The following SYPL1 variants were observed in gnomAD, a reference collection of about 807,000 sequenced individuals.
SYPL1 encodes the protein synaptophysin-like protein 1.
A neutral mutation model predicts 23.7 loss-of-function variants in SYPL1; 6 were observed. The ratio of observed to expected loss-of-function variants is 0.25; its 90% confidence interval spans 0.14 to 0.50. The LOEUF is 0.50. SYPL1 is among the 20% of genes least tolerant of loss of function. The pLI is 0.98. For missense variants in SYPL1, 253 were observed against 288.9 expected (o/e 0.88, Z 0.90); for synonymous variants, 102 against 104.5 (o/e 0.98, Z 0.15).
At position 106,100,307 on chromosome 7, in the gene SYPL1, C is replaced by G. The variant is rs1187543849; in HGVS notation, c.70-1025G>C. 6.6e-6 allele frequency among the ~76,000 whole-genome samples: 1 copy of G among 152,156 alleles called. No individual in the cohort carries two copies. Among genetic ancestry groups the G allele is most frequent in the African/African-American group, 2.4e-5 (1 of 41,418 alleles). On this transcript the variant is annotated intron_variant, in intron 1 of 4. Transcript: ENST00000455385. This position sits in a 1 kb window ranked among gnomAD's most constrained non-coding sequence, Gnocchi z 5.1. ...AGCAACCTAAATGTTGACAGGGAAT[C>G]AAACTATAATTCATCCATTCATTCA...
chr7:106,097,974 T>G lies in SYPL1; in HGVS notation c.195-77A>C, dbSNP rs982539801. 13 of 1,187,412 alleles carry G rather than the reference T, an allele frequency of 1.1e-5. No individual in the cohort carries two copies. The African/African-American group carries it at 2.0e-4, about 18-fold the overall frequency. The allele number at this position is 1,187,412 out of a possible 1,614,324, so 73.6% of individuals were successfully genotyped here. A position where few individuals can be genotyped will look rare whatever the true frequency, so the allele number is the denominator to read the frequency against. On this transcript the variant is annotated intron_variant, in intron 2 of 4. Coordinates refer to ENST00000455385, the MANE Select transcript of SYPL1 (RefSeq NM_182715.4). The surrounding 1 kb of genome is among the most constrained non-coding windows in gnomAD (Gnocchi z 4.6). The stretch of plus-strand genomic sequence containing the variant: ...ATTTAAGCAAAACAATGAGTGACAC[T>G]TCAAAAAATACTCCCCAAATATATT...
Position 106,104,463 on chromosome 7 carries a change from G to A in SYPL1, c.70-5181C>T, listed in dbSNP as rs1290871373. 6.6e-6 allele frequency among the ~76,000 whole-genome samples: 1 copy of A among 152,194 alleles called. No homozygotes were observed. The highest frequency in any genetic ancestry group is 1.5e-5 in the Non-Finnish European group (1 of 68,032). ...CAAATAAATGGCATACTGCACTACA[G>A]CTTGTTGCTTTCAAGACTATCACTT... is the stretch of plus-strand genomic sequence containing the variant. On this transcript the variant is annotated intron_variant, in intron 1 of 4. Transcript: ENST00000455385. The surrounding 1 kb of genome is among the most constrained non-coding windows in gnomAD (Gnocchi z 4.1).
At position 106,091,965 on chromosome 7, in the gene SYPL1, A is replaced by C. The variant is rs1386323801; in HGVS notation, c.592-26T>G. ...CTATGAAAGAGAAAAAGAAATATGA[A>C]AATCAAATACCTACTTATAAAAATT... On this transcript the variant is annotated intron_variant, in intron 4 of 4. Transcript: ENST00000455385. This position sits in a 1 kb window ranked among gnomAD's most constrained non-coding sequence, Gnocchi z 5.0. 1 of 1,582,010 alleles carries C rather than the reference A, an allele frequency of 6.3e-7. No individual in the cohort carries two copies. The highest frequency in any genetic ancestry group is 8.6e-7 in the Non-Finnish European group (1 of 1,168,936).
chr7:106,093,003 T>C lies in SYPL1; in HGVS notation c.537A>G (p.Ala179=). 6.2e-7 allele frequency: 1 copy of C among 1,613,842 alleles called. No homozygotes were observed. Among genetic ancestry groups the C allele is most frequent in the Non-Finnish European group, 8.5e-7 (1 of 1,179,860 alleles). The change falls in exon 4 of 5, where the codon GCA becomes GCG. Residue 179 remains alanine, a synonymous_variant. Transcript: ENST00000455385. ...TCACAGAGCCAAAGTAACACAGTAC[T>C]GCTTTCTTCTTACAAGGCGGAAGTT... ...IDELPPCKKK[A]VLCYFGSVTS...
At position 106,107,922 on chromosome 7, in the gene SYPL1, C is replaced by T. The variant is rs1051792816; in HGVS notation, c.69+4218G>A. On this transcript the variant is annotated intron_variant, in intron 1 of 4. Coordinates refer to ENST00000455385, the MANE Select transcript of SYPL1 (RefSeq NM_182715.4). ...TTAAAAATCATTTATCAGCCAGGCG[C>T]GGTGGCTCATGCCTATAATCCCAGC... Among the ~76,000 whole-genome samples, 14 of 152,120 alleles carry T rather than the reference C, an allele frequency of 9.2e-5. No individual in the cohort carries two copies. The South Asian group carries it at 1.9e-3, about 20-fold the overall frequency.
intron 1 of SYPL1, among the ~76,000 whole-genome samples, chr7:106,110,768 CA>C (rs3842158): frequency 0.37 from 56,336 of 151,988 alleles, 11,664 homozygotes; most frequent in East Asian, 0.51. Flanking sequence ...AAAAACTTGA[CA>C]AAAAATATAA....
intron 1 of SYPL1, among the ~76,000 whole-genome samples, chr7:106,103,549 C>T (rs1263932644): frequency 6.6e-6 from 1 of 152,146 alleles, no homozygotes; most frequent in Non-Finnish European, 1.5e-5. Flanking sequence ...TGTCACTAAT[C>T]TAAATTGATA....
At chr7:106,093,269 T>C in intron 3 of SYPL1, 132 bp from the exon 4 acceptor site, 4 of 836,878 alleles carry the variant, frequency 4.8e-6, no homozygotes, top group Non-Finnish European at 7.0e-6. Flanking sequence ...TATACTTTAT[T>C]AAAAAAGTCA....
In SYPL1 at chr7:106,095,654, T is replaced by C. The variant is rs1197363271; in HGVS notation, c.402+2036A>G. 6.6e-6 allele frequency among the ~76,000 whole-genome samples: 1 copy of C among 152,152 alleles called. No individual in the cohort carries two copies. The highest frequency in any genetic ancestry group is 2.4e-5 in the African/African-American group (1 of 41,442). On this transcript the variant is annotated intron_variant, in intron 3 of 4. Transcript: ENST00000455385. This position sits in a 1 kb window ranked among gnomAD's most constrained non-coding sequence, Gnocchi z 4.3. ...GGCATGACCCACTGCACCCAGTCTCTCAAAGAAAATCTTTTAATATTTTTA... is the reference window on the plus strand; with the variant it reads ...GGCATGACCCACTGCACCCAGTCTCCCAAAGAAAATCTTTTAATATTTTTA...
At position 106,109,918 on chromosome 7, in the gene SYPL1, T is replaced by C. The variant is rs1790059865; in HGVS notation, c.69+2222A>G. Among the ~76,000 whole-genome samples the C allele has an allele frequency of 6.6e-6, 1 of 152,218 alleles. No individual in the cohort carries two copies. On this transcript the variant is annotated intron_variant, in intron 1 of 4. Transcript: ENST00000455385. This position sits in a 1 kb window ranked among gnomAD's most constrained non-coding sequence, Gnocchi z 4.3. ...ATTCATCCTTTTAGAAATTTTCATT[T>C]TGTCGGCAGTTAGAGGGATGGATTG...
At chr7:106,094,336 G>C (rs1291319143) in intron 3 of SYPL1, among the ~76,000 whole-genome samples, 1 of 152,182 alleles carries the variant, frequency 6.6e-6, no homozygotes, top group African/African-American at 2.4e-5. Context: ...ATAAATACCA[G>C]TGATCTCTTA....
At chr7:106,112,418 C>T (rs1196802866), upstream of SYPL1, 6 of 1,057,180 alleles carry the variant, frequency 5.7e-6, no homozygotes, top group Non-Finnish European at 7.2e-6. Context: ...CGGAGTGGGG[C>T]GGCTGGGGAG....
chr7:106,112,481 G>A (rs776424542), upstream of SYPL1: 1 of 1,519,210 alleles, frequency 6.6e-7, no homozygotes, highest in Non-Finnish European at 8.8e-7. Flanking sequence ...GGCCGCACCT[G>A]GCCGAGTCGA....
chr7:106,112,347 TGGGGC>T (rs928827719), upstream of SYPL1: 6 of 994,104 alleles, frequency 6.0e-6, no homozygotes, highest in Non-Finnish European at 6.0e-6. Flanking sequence ...CGGGCGGCCG[TGGGGC>T]GGGGCGGGGC....
rs1413456822 is a variant in SYPL1 at position 106,090,721 on chromosome 7, T to C, written c.*1084A>G. ...AGCTTGTATTCAGAATATACCTATA[T>C]GTGTGTGCAAAGACAATACACTCAT... On this transcript the variant is annotated 3_prime_UTR_variant, in exon 5 of 5. Transcript: ENST00000455385. The C allele has an allele frequency of 6.6e-6, 1 of 152,424 alleles. No homozygotes were observed. Among genetic ancestry groups the C allele is most frequent in the Non-Finnish European group, 1.5e-5 (1 of 68,030 alleles). The allele number at this position is 152,424 out of a possible 1,614,324, so 9.4% of individuals were successfully genotyped here.
intron 1 of SYPL1, among the ~76,000 whole-genome samples, chr7:106,102,857 A>C (rs1324724737): frequency 1.3e-5 from 2 of 152,236 alleles, no homozygotes; most frequent in African/African-American, 2.4e-5. Flanking sequence ...CACAAAAGTA[A>C]AAAGTCTTTA....
In SYPL1 at chr7:106,112,151, C is replaced by T. The variant is rs1389786801; in HGVS notation, c.58G>A (p.Val20Ile). ...CGGGCTGCACTCACCCACTCGAGGA[C>T]CTTGATGAAGCCGAGTGGCTCCTTG... ...PLKEPLGFIKVLEWIASIFAF... is the reference protein window; with the variant it reads ...PLKEPLGFIKILEWIASIFAF... The change falls in exon 1 of 5, where the codon GTC becomes ATC. Residue 20 changes from valine to isoleucine, a missense_variant. Physicochemically the swap from Val to Ile is conservative, Grantham distance 29. Transcript: ENST00000455385. 3.3e-6 allele frequency: 5 copies of T among 1,535,936 alleles called. No homozygotes were observed. The highest frequency in any genetic ancestry group is 4.4e-6 in the Non-Finnish European group (5 of 1,133,160).
rs138711878 is a variant in SYPL1, at chr7:106,110,226, T to G, written c.69+1914A>C. Among the ~76,000 whole-genome samples, 6 of 152,322 alleles carry G rather than the reference T, an allele frequency of 3.9e-5. No homozygotes were observed. In the East Asian group the frequency reaches 9.6e-4, roughly 24 times the overall value. On this transcript the variant is annotated intron_variant, in intron 1 of 4. Transcript: ENST00000455385. Reference sequence around the variant, plus strand: ...CCTCCAACCTAGCATATATTCCAACTAACCCCCAATTACTTTTAAGTTCTC... The same window carrying G: ...CCTCCAACCTAGCATATATTCCAACGAACCCCCAATTACTTTTAAGTTCTC...
At chr7:106,098,409 G>T (rs930557362) in intron 2 of SYPL1, among the ~76,000 whole-genome samples, 1 of 152,150 alleles carries the variant, frequency 6.6e-6, no homozygotes, top group Admixed American at 6.5e-5. Flanking sequence ...CTAGGAGAAA[G>T]GATACAAGAT....
Sources: gnomAD v4.1 joint callset for allele counts (sites outside exome capture counted in the v4.1 genomes callset) on GRCh38, gnomAD v4.1.1 for gene constraint, Gnocchi (gnomAD v3.1) non-coding constraint, MANE v1.5 for transcripts, NCBI Gene and HGNC (gene_info 2026-07-23, HGNC 2026-07-21) for gene names.